Variants in COPB1 observed in about 807,000 individuals in gnomAD.
The protein encoded by COPB1 is coatomer subunit beta.
Under a neutral mutation model 108.7 loss-of-function variants are expected in COPB1, and 21 were observed. That is an observed-to-expected ratio of 0.19 (90% CI 0.14 to 0.28). The LOEUF (loss-of-function observed/expected upper bound fraction) is 0.28, where lower values mean the gene tolerates loss of function less well. Among genes scored for constraint, COPB1 ranks in the 10% least tolerant of loss-of-function variants. COPB1 has a pLI of 1.00. For missense variants in COPB1, 919 were observed against 1,141.3 expected (o/e 0.81, Z 2.81); for synonymous variants, 378 against 386.8 (o/e 0.98, Z 0.27).
chr11:14,469,639 A>C, intron 14 of COPB1, 76 bp from the exon 15 acceptor site: 29 of 1,232,512 alleles, frequency 2.4e-5, no homozygotes, highest in Non-Finnish European at 3.0e-5. Flanking sequence ...ATTATAACTC[A>C]CAATCTAAAT....
Position 14,481,051 on chromosome 11 carries a change from T to G in COPB1, c.1004A>C (p.Glu335Ala). ...ILRVLSTPDLEVRKKTLQLAL... is the reference protein window; with the variant it reads ...ILRVLSTPDLAVRKKTLQLAL... The stretch of plus-strand genomic sequence containing the variant: ...TAACTGCAGAGTTTTCTTTCGTACT[T>G]CTAAGTCTGGTGTGCTCAATACTCT... Residue 335 changes from glutamate to alanine, a missense_variant, in exon 9 of 22, where the codon GAA becomes GCA. Glu to Ala is a moderately radical substitution (Grantham distance 107). Around this residue, in one of 5 missense-constraint regions of COPB1, gnomAD observed 705 missense variants for 817.8 expected, o/e 0.86. Coordinates refer to ENST00000439561, the MANE Select transcript of COPB1 (RefSeq NM_001144061.2). 6.2e-7 allele frequency: 1 copy of G among 1,613,882 alleles called. No individual in the cohort carries two copies. Among genetic ancestry groups the G allele is most frequent in the Non-Finnish European group, 8.5e-7 (1 of 1,179,972 alleles).
rs1358667838 is a variant in COPB1 at position 14,469,564 on chromosome 11, C to A, written c.1738-1G>T. 6.2e-7 allele frequency: 1 copy of A among 1,612,634 alleles called. No homozygotes were observed. The highest frequency in any genetic ancestry group is 8.5e-7 in the Non-Finnish European group (1 of 1,178,880). ...GCAACATAGCCTCAGCAACAAAAGA[C>A]TAAGAAAGTAAAGAAATCGGTTACT... On this transcript the variant is annotated splice_acceptor_variant, in intron 14 of 21. Transcript: ENST00000439561. LOFTEE classifies it high-confidence loss of function.
chr11:14,462,257 G>A (rs1850173825), intron 18 of COPB1, among the ~76,000 whole-genome samples: 1 of 147,268 alleles, frequency 6.8e-6, no homozygotes, highest in Non-Finnish European at 1.5e-5. Flanking sequence ...TTTTGAGATG[G>A]AGTTTCACTC....
At chr11:14,478,127 A>AT (rs1468483013) in intron 11 of COPB1, among the ~76,000 whole-genome samples, 1 of 152,172 alleles carries the variant, frequency 6.6e-6, no homozygotes, top group African/African-American at 2.4e-5. Context: ...AATCACAAAG[A>AT]TTAAAAGTAA....
chr11:14,475,752 T>C (rs1487669842), intron 13 of COPB1, 33 bp downstream of exon 13: 1 of 1,474,748 alleles, frequency 6.8e-7, no homozygotes, highest in Admixed American at 2.4e-5. Context: ...ATAAAAGTAG[T>C]ACAGCTGGCA....
intron 14 of COPB1, among the ~76,000 whole-genome samples, chr11:14,472,694 G>C (rs1850435195): frequency 6.6e-6 from 1 of 152,204 alleles, no homozygotes; most frequent in Non-Finnish European, 1.5e-5. Context: ...AGATCTTCCA[G>C]ATAACTTGCC....
At chr11:14,478,605 C>T (rs1014034992) in intron 11 of COPB1, among the ~76,000 whole-genome samples, 2 of 151,498 alleles carry the variant, frequency 1.3e-5, no homozygotes, top group Admixed American at 6.6e-5. Context: ...AGCAACCATT[C>T]ATTCATTCAT....
intron 18 of COPB1, 101 bp from the exon 19 acceptor site, chr11:14,461,432 A>G: frequency 1.7e-6 from 2 of 1,204,694 alleles, no homozygotes; most frequent in South Asian, 1.4e-5. Flanking sequence ...ATTAACAATA[A>G]GATTGTTTAT....
chr11:14,487,074 T>C (rs1850790105), intron 6 of COPB1, among the ~76,000 whole-genome samples: 2 of 152,188 alleles, frequency 1.3e-5, no homozygotes, highest in Admixed American at 6.5e-5. Context: ...AACACATTTT[T>C]CCCAAGTACT....
At position 14,494,292 on chromosome 11, in the gene COPB1, A is replaced by G; in HGVS notation, c.239T>C (p.Val80Ala). 6.2e-7 allele frequency: 1 copy of G among 1,613,904 alleles called. No homozygotes were observed. Residue 80 changes from valine (V) to alanine (A), a missense_variant, in exon 3 of 22, where the codon GTA (valine) becomes GCA (alanine). Physicochemically the swap from Val to Ala is moderately conservative, Grantham distance 64. Transcript: ENST00000439561. ...TGTTTTAGGAACAATTTCCCAAAAT[A>G]CCAGAAGTAATTTCTTGATAGTGTG... ...QDHTIKKLLL[V>A]FWEIVPKTTP...
intron 14 of COPB1, among the ~76,000 whole-genome samples, chr11:14,471,965 C>T (rs980555797): frequency 2.0e-5 from 3 of 151,940 alleles, no homozygotes; most frequent in Non-Finnish European, 2.9e-5. Context: ...TCTCCAAAAA[C>T]GAAGGAAATA....
intron 18 of COPB1, among the ~76,000 whole-genome samples, 178 bp downstream of exon 18, chr11:14,464,733 T>A (rs942373900): frequency 1.3e-5 from 2 of 152,170 alleles, no homozygotes; most frequent in African/African-American, 2.4e-5. Flanking sequence ...AGTGACTCTA[T>A]CTGGTTCATT....
intron 18 of COPB1, among the ~76,000 whole-genome samples, chr11:14,463,063 T>C (rs1337395950): frequency 2.6e-5 from 4 of 152,180 alleles, no homozygotes; most frequent in African/African-American, 9.7e-5. Context: ...CCAAAAGACC[T>C]CTCTTTCAGA....
In COPB1 at chr11:14,461,296, A is replaced by G; in HGVS notation, c.2446T>C (p.Cys816Arg). 2.5e-6 allele frequency: 4 copies of G among 1,614,142 alleles called. No individual in the cohort carries two copies. Among genetic ancestry groups the G allele is most frequent in the Non-Finnish European group, 3.4e-6 (4 of 1,180,022 alleles). ...DVSGAASDRNCVVLSDIHIDI... is the reference protein window; with the variant it reads ...DVSGAASDRNRVVLSDIHIDI... ...ATGTGAATATCACTGAGAACCACAC[A>G]ATTTCTGTCACTTGCTGCTCCAGAG... Residue 816 changes from cysteine to arginine, a missense_variant, in exon 19 of 22, where the codon TGT becomes CGT. Coordinates refer to ENST00000439561, the MANE Select transcript of COPB1 (RefSeq NM_001144061.2).
At chr11:14,486,267 G>C (rs913020089) in intron 7 of COPB1, 100 bp downstream of exon 7, 1 of 1,357,176 alleles carries the variant, frequency 7.4e-7, no homozygotes, top group Non-Finnish European at 1.0e-6. Flanking sequence ...TATTCTCTCT[G>C]TGCCATGTAA....
intron 8 of COPB1, among the ~76,000 whole-genome samples, chr11:14,482,679 C>T (rs376038531): frequency 5.3e-5 from 8 of 152,038 alleles, no homozygotes; most frequent in Non-Finnish European, 1.0e-4. Context: ...GGATTACAGG[C>T]GCACTTCACC....
At chr11:14,491,394 G>A (rs1483698725) in intron 4 of COPB1, among the ~76,000 whole-genome samples, 1 of 152,112 alleles carries the variant, frequency 6.6e-6, no homozygotes, top group Non-Finnish European at 1.5e-5. Flanking sequence ...AAGGAGCCGG[G>A]CGCAGTGGCT....
At chr11:14,477,484 G>A (rs1386440447) in intron 11 of COPB1, among the ~76,000 whole-genome samples, 2 of 151,790 alleles carry the variant, frequency 1.3e-5, no homozygotes, top group Non-Finnish European at 2.9e-5. Context: ...TTGAGCCCAG[G>A]AGCTCAAAAC....
Position 14,479,578 on chromosome 11 carries a change from T to A in COPB1, c.1349A>T (p.Lys450Ile), listed in dbSNP as rs761726025. 6.2e-6 allele frequency: 10 copies of A among 1,606,112 alleles called. No individual in the cohort carries two copies. Among genetic ancestry groups the A allele is most frequent in the Non-Finnish European group, 8.5e-6 (10 of 1,177,632 alleles). Residue 450 changes from lysine to isoleucine, a missense_variant, in exon 11 of 22, where the codon AAA (lysine) becomes ATA (isoleucine). Transcript: ENST00000439561. ...TGTATTTTAAACCTACTTGACAGAT[T>A]TAATAGCATGAAAGACTTCAAGCAT... ...EKMLEVFHAI[K>I]SVKIYRGALW...
Sources: gnomAD v4.1 joint callset for allele counts (sites outside exome capture counted in the v4.1 genomes callset) on GRCh38, gnomAD v4.1.1 for gene constraint, gnomAD v4.1.1 regional missense constraint, MANE v1.5 for transcripts, NCBI Gene and HGNC (gene_info 2026-07-23, HGNC 2026-07-21) for gene names.